Variants in EYS observed in about 807,000 individuals in gnomAD.
EYS encodes the protein protein eyes shut homolog.
Under a neutral mutation model 282.1 loss-of-function variants are expected in EYS, and 250 were observed. The observed-to-expected ratio is 0.89, with a 90% CI of 0.80 to 0.98. The LOEUF (loss-of-function observed/expected upper bound fraction) is 0.98. Among genes scored for constraint, EYS ranks in the 50% least tolerant of loss-of-function variants. The pLI, the probability that EYS is intolerant of heterozygous loss-of-function variation, is 0.00. For synonymous variants in EYS, 1,355 were observed against 1,282.9 expected (o/e 1.06, Z -1.20); for missense variants, 4,016 against 3,709.0 (o/e 1.08, Z -2.15).
At chr6:64,451,269 T>C (rs959357456) in intron 26 of EYS, among the ~76,000 whole-genome samples, 1 of 152,118 alleles carries the variant, frequency 6.6e-6, no homozygotes, top group Non-Finnish European at 1.5e-5. Flanking sequence ...AAGAAATGGA[T>C]AAATTCCATG....
intron 22 of EYS, among the ~76,000 whole-genome samples, chr6:64,772,099 A>G (rs930762318): frequency 1.3e-5 from 2 of 151,734 alleles, no homozygotes; most frequent in Admixed American, 1.3e-4. Context: ...TTTTTGACCA[A>G]CAATTAATTT....
chr6:64,171,838 T>C (rs913497786), intron 31 of EYS, among the ~76,000 whole-genome samples: 5 of 152,202 alleles, frequency 3.3e-5, no homozygotes, highest in Non-Finnish European at 7.3e-5. Flanking sequence ...GCAAGGCTAC[T>C]GAACCACATC....
chr6:64,526,696 G>A (rs901872425), intron 26 of EYS, among the ~76,000 whole-genome samples: 2 of 151,764 alleles, frequency 1.3e-5, no homozygotes, highest in African/African-American at 4.8e-5. Flanking sequence ...AGTAGATTAG[G>A]AGTGAGATGT....
intron 1 of EYS, among the ~76,000 whole-genome samples, chr6:65,703,044 C>A (rs560461486): frequency 1.3e-5 from 2 of 152,238 alleles, no homozygotes; most frequent in African/African-American, 4.8e-5. Flanking sequence ...AAAAGAAAAG[C>A]ATTCAGCCTC....
At chr6:65,137,385 C>A (rs1162569996) in intron 12 of EYS, among the ~76,000 whole-genome samples, 9 of 151,994 alleles carry the variant, frequency 5.9e-5, no homozygotes, top group Non-Finnish European at 1.2e-4. Context: ...GAAATGAGAC[C>A]ATTTGAGGTC....
intron 36 of EYS, among the ~76,000 whole-genome samples, chr6:63,847,047 A>G (rs969905255): frequency 2.0e-5 from 3 of 152,214 alleles, no homozygotes; most frequent in African/African-American, 7.2e-5. Context: ...CATGGATAAC[A>G]TTAAATAATT....
intron 39 of EYS, among the ~76,000 whole-genome samples, chr6:63,784,430 G>C (rs145850554): frequency 1.3e-5 from 2 of 152,274 alleles, no homozygotes; most frequent in African/African-American, 4.8e-5. Flanking sequence ...TTCTCACATT[G>C]CTGTAACTTA....
chr6:64,339,730 G>C (rs1335360524), intron 29 of EYS, among the ~76,000 whole-genome samples: 1 of 151,640 alleles, frequency 6.6e-6, no homozygotes, highest in East Asian at 1.9e-4. Context: ...CCATAAAAAG[G>C]AATGAATTAT....
chr6:63,924,491 G>A (rs555108845), intron 35 of EYS, among the ~76,000 whole-genome samples: 2 of 152,292 alleles, frequency 1.3e-5, no homozygotes, highest in Non-Finnish European at 2.9e-5. Flanking sequence ...AAATAGCATC[G>A]TTTGTGAAAC....
intron 36 of EYS, among the ~76,000 whole-genome samples, chr6:63,833,819 G>T (rs1167862222): frequency 6.6e-6 from 1 of 152,122 alleles, no homozygotes; most frequent in African/African-American, 2.4e-5. Flanking sequence ...ATACTACAAG[G>T]CTACAGTAAC....
chr6:64,696,308 G>C (rs1049064110), intron 22 of EYS, among the ~76,000 whole-genome samples: 29 of 152,026 alleles, frequency 1.9e-4, no homozygotes, highest in Admixed American at 1.9e-3. Context: ...TATCCAATGA[G>C]ACAAAATGAA....
At chr6:64,820,844 T>G (rs558282001) in intron 21 of EYS, among the ~76,000 whole-genome samples, 1 of 152,262 alleles carries the variant, frequency 6.6e-6, no homozygotes, top group African/African-American at 2.4e-5. Flanking sequence ...CTGTGTTTCA[T>G]GTACATTCTC....
chr6:64,453,556 A>G (rs1023102423), intron 26 of EYS, among the ~76,000 whole-genome samples: 15 of 152,340 alleles, frequency 9.8e-5, no homozygotes, highest in African/African-American at 3.6e-4. Context: ...ACACATGCAC[A>G]TGTATGTTTA....
chr6:64,683,763 T>A (rs1172155543), intron 22 of EYS, among the ~76,000 whole-genome samples: 3 of 152,138 alleles, frequency 2.0e-5, no homozygotes, highest in East Asian at 3.9e-4. Context: ...CTCAAGTTGC[T>A]CCAGTTTGTA....
At chr6:65,681,398 T>A (rs1177356184) in intron 1 of EYS, among the ~76,000 whole-genome samples, 1 of 152,032 alleles carries the variant, frequency 6.6e-6, no homozygotes, top group African/African-American at 2.4e-5. Context: ...GTATATTTCA[T>A]AATACCACAC....
chr6:65,421,797 G>T (rs895286458), intron 5 of EYS, among the ~76,000 whole-genome samples: 2 of 151,804 alleles, frequency 1.3e-5, no homozygotes, highest in African/African-American at 4.8e-5. Context: ...ATGAGAAGAG[G>T]GGGAGAGAAA....
chr6:64,349,011 C>T (rs1369208864), intron 29 of EYS, among the ~76,000 whole-genome samples: 1 of 151,272 alleles, frequency 6.6e-6, no homozygotes, highest in Non-Finnish European at 1.5e-5. Flanking sequence ...AATGTTTCAA[C>T]GTGGAGACTG....
At chr6:65,571,550 T>C (rs1764477294) in intron 2 of EYS, among the ~76,000 whole-genome samples, 1 of 151,052 alleles carries the variant, frequency 6.6e-6, no homozygotes, top group African/African-American at 2.4e-5. Context: ...AATAATCTTC[T>C]AGGTCAAAAA....
At chr6:64,486,470 T>C (rs766859787) in intron 26 of EYS, among the ~76,000 whole-genome samples, 6 of 151,420 alleles carry the variant, frequency 4.0e-5, no homozygotes, top group Non-Finnish European at 7.4e-5. Flanking sequence ...AGTTTTACAA[T>C]CATCATGGTG....
Sources: gnomAD v4.1 joint callset for allele counts (sites outside exome capture counted in the v4.1 genomes callset) on GRCh38, gnomAD v4.1.1 for gene constraint, MANE v1.5 for transcripts, NCBI Gene and HGNC (gene_info 2026-07-23, HGNC 2026-07-21) for gene names.